Variants in KLF16 observed in about 807,000 individuals in gnomAD.
KLF16 encodes KLF transcription factor 16.
In KLF16, 6 loss-of-function variants were observed where a neutral mutation model predicts 6.1. That is an observed-to-expected ratio of 0.98 (90% CI 0.54 to 1.93). KLF16 has a LOEUF of 1.93. Ranked by LOEUF, KLF16 falls within the 30% of genes most tolerant of loss-of-function variation. The pLI is 0.01. For synonymous variants in KLF16, 211 were observed against 176.5 expected (o/e 1.20, Z -1.55); for missense variants, 355 against 363.8 (o/e 0.98, Z 0.20).
chr19:1,872,957 C>G, the KLF16 span, among the ~76,000 whole-genome samples: 3 of 152,142 alleles, frequency 2.0e-5, no homozygotes, highest in East Asian at 1.9e-4. Flanking sequence ...GCACTCCCAC[C>G]TTGATCCTGA....
intron 1 of KLF16, 192 bp downstream of exon 1, chr19:1,862,849 G>T (rs1334956224): frequency 7.2e-6 from 2 of 276,668 alleles, no homozygotes; most frequent in Non-Finnish European, 1.3e-5. Context: ...TCCGCTCGCC[G>T]CCCGACCGCG....
At chr19:1,876,497 G>C in the KLF16 span, among the ~76,000 whole-genome samples, 1 of 152,202 alleles carries the variant, frequency 6.6e-6, no homozygotes, top group Non-Finnish European at 1.5e-5. Flanking sequence ...CGGGGCCCAA[G>C]CACCTGCCAC....
At chr19:1,855,531 C>G (rs2011932497) in intron 1 of KLF16, among the ~76,000 whole-genome samples, 1 of 152,178 alleles carries the variant, frequency 6.6e-6, no homozygotes, top group African/African-American at 2.4e-5. Flanking sequence ...CGGCCACTTC[C>G]TCCACAGTCC....
rs1330017406 is a variant in KLF16, at chr19:1,854,549, G to A, written c.669C>T (p.Arg223=). The A allele has an allele frequency of 1.3e-6, 2 of 1,560,120 alleles. No individual in the cohort carries two copies. Among genetic ancestry groups the A allele is most frequent in the Non-Finnish European group, 1.7e-6 (2 of 1,160,960 alleles). ...HPDLLRRPGA[R]STSPSDSLPC... ...GCAGCGAGTCGCTGGGGGAGGTACT[G>A]CGGGCACCAGGGCGCCGGAGCAGGT... is the stretch of plus-strand genomic sequence containing the variant. The change falls in exon 2 of 2, where the codon CGC becomes CGT. Residue 223 remains arginine (R), a synonymous_variant. Transcript: ENST00000250916.
chr19:1,860,903 C>G (rs1274596329), intron 1 of KLF16, among the ~76,000 whole-genome samples: 2 of 152,104 alleles, frequency 1.3e-5, no homozygotes, highest in Non-Finnish European at 2.9e-5. Flanking sequence ...ACTGCCCTCC[C>G]AGTCCCCAAA....
upstream of KLF16, among the ~76,000 whole-genome samples, chr19:1,864,899 G>A (rs781450369): frequency 3.3e-5 from 5 of 152,332 alleles, 1 homozygote; most frequent in South Asian, 8.3e-4. Flanking sequence ...ACTGCGCAGT[G>A]GCCGGAGCTG....
At chr19:1,868,954 G>A in the KLF16 span, among the ~76,000 whole-genome samples, 1 of 152,020 alleles carries the variant, frequency 6.6e-6, no homozygotes, top group African/African-American at 2.4e-5. Flanking sequence ...ATGAGGGGAC[G>A]TTTTACAGAA....
chr19:1,864,849 C>G (rs936951974), upstream of KLF16, among the ~76,000 whole-genome samples: 1 of 152,122 alleles, frequency 6.6e-6, no homozygotes, highest in Non-Finnish European at 1.5e-5. Context: ...CGGTCGCGAC[C>G]GCGCTCCCGC....
At chr19:1,872,102 C>G in the KLF16 span, among the ~76,000 whole-genome samples, 3 of 152,094 alleles carry the variant, frequency 2.0e-5, no homozygotes, top group Non-Finnish European at 4.4e-5. Flanking sequence ...GAGCTTTCCC[C>G]CTTGAACAGG....
rs2011978504 is a variant in KLF16 at position 1,857,489 on chromosome 19, G to A, written c.458-2729C>T. On this transcript the variant is annotated intron_variant, in intron 1 of 1. Coordinates refer to ENST00000250916, the MANE Select transcript of KLF16 (RefSeq NM_031918.4). This position sits in a 1 kb window ranked among gnomAD's most constrained non-coding sequence, Gnocchi z 4.7. ...TCAGGCTGGGCCCGGGTGAGCTCAG[G>A]ACAGCCTCGGAAACAGGCAGGCTCA... is the stretch of plus-strand genomic sequence containing the variant. Among the ~76,000 whole-genome samples, 2 of 152,310 alleles carry A rather than the reference G, an allele frequency of 1.3e-5. No homozygotes were observed. The highest frequency in any genetic ancestry group is 2.1e-4 in the South Asian group (1 of 4,828).
the KLF16 span, chr19:1,874,763 A>C: frequency 1.3e-5 from 2 of 149,060 alleles, no homozygotes; most frequent in African/African-American, 2.4e-5. Flanking sequence ...AAAAAAAAAA[A>C]AAAAAAAAAA....
chr19:1,863,139 GGC>G lies in KLF16; in HGVS notation c.357_358del (p.Pro120LeufsTer40). The stretch of plus-strand genomic sequence containing the variant: ...GCGGTGGCTCTTGGCGGCGGCGGAG[GGC>G]GCGGCGCCGGGGGCGCGGCCCGAGG... On this transcript the variant is annotated frameshift_variant, in exon 1 of 2. Coordinates refer to ENST00000250916, the MANE Select transcript of KLF16 (RefSeq NM_031918.4). LOFTEE classifies it high-confidence loss of function. 1 of 1,329,910 alleles carries G rather than the reference GGC, an allele frequency of 7.5e-7. No individual in the cohort carries two copies. Among genetic ancestry groups the G allele is most frequent in the South Asian group, 1.7e-5 (1 of 59,762 alleles). The allele number at this position is 1,329,910 out of a possible 1,614,324, so 82.4% of individuals were successfully genotyped here. A position where few individuals can be genotyped will look rare whatever the true frequency, so the allele number is the denominator to read the frequency against.
intron 1 of KLF16, among the ~76,000 whole-genome samples, chr19:1,859,800 G>A (rs990197638): frequency 1.3e-5 from 2 of 152,172 alleles, no homozygotes; most frequent in Non-Finnish European, 2.9e-5. Flanking sequence ...CTTCAGAGTG[G>A]GATACAACTG....
rs1249947887 is a variant in KLF16 at position 1,854,418 on chromosome 19, G to A, written c.*41C>T. On this transcript the variant is annotated 3_prime_UTR_variant, in exon 2 of 2. Transcript: ENST00000250916. ...TGGGTCCTCACTACACCCCTGGATG[G>A]CAGAAGCATCCTGGCGGTCAGGGTG... 27 of 1,388,052 alleles carry A rather than the reference G, an allele frequency of 1.9e-5. No homozygotes were observed. The highest frequency in any genetic ancestry group is 7.4e-5 in the Admixed American group (2 of 27,066). 86.0% of individuals were successfully genotyped at this position (1,388,052 alleles called of 1,614,324 possible). A position where few individuals can be genotyped will look rare whatever the true frequency, so the allele number is the denominator to read the frequency against.
chr19:1,874,007 G>A, the KLF16 span, among the ~76,000 whole-genome samples: 1 of 152,206 alleles, frequency 6.6e-6, no homozygotes, highest in Non-Finnish European at 1.5e-5. Context: ...TCCACAGCCC[G>A]CAGGGAGGGA....
upstream of KLF16, among the ~76,000 whole-genome samples, chr19:1,867,374 A>T (rs1350751431): frequency 2.6e-5 from 4 of 152,224 alleles, no homozygotes; most frequent in East Asian, 7.7e-4. Flanking sequence ...GTTCAAGACC[A>T]GCCTGGGCAA....
upstream of KLF16, among the ~76,000 whole-genome samples, chr19:1,867,959 T>TGTGTGTGTGTGC (rs897788770): frequency 4.9e-5 from 7 of 143,414 alleles, no homozygotes; most frequent in African/African-American, 1.7e-4. Flanking sequence ...TGTGTGTGTG[T>TGTGTGTGTGTGC]GTGCGTGCGC....
rs1186843731 is a variant in KLF16, at chr19:1,854,030, C to G, written c.*429G>C. ...CAGGGGCCGTGTCAACCCCCGACTC[C>G]TCTATGGCTGTCTGAACACTTCATC... On this transcript the variant is annotated 3_prime_UTR_variant, in exon 2 of 2. Transcript: ENST00000250916. 1 of 168,072 alleles carries G rather than the reference C, an allele frequency of 5.9e-6. No individual in the cohort carries two copies. The highest frequency in any genetic ancestry group is 1.7e-4 in the East Asian group (1 of 5,786). 10.4% of individuals were successfully genotyped at this position (168,072 alleles called of 1,614,324 possible).
At chr19:1,860,613 T>C (rs1297085016) in intron 1 of KLF16, among the ~76,000 whole-genome samples, 1 of 152,062 alleles carries the variant, frequency 6.6e-6, no homozygotes, top group African/African-American at 2.4e-5. Flanking sequence ...CGGGTTCGTC[T>C]GCGGATCTTT....
Sources: gnomAD v4.1 joint callset for allele counts (sites outside exome capture counted in the v4.1 genomes callset) on GRCh38, gnomAD v4.1.1 for gene constraint, Gnocchi (gnomAD v3.1) non-coding constraint, MANE v1.5 for transcripts, NCBI Gene and HGNC (gene_info 2026-07-23, HGNC 2026-07-21) for gene names.